APCDD1L: variants seen among roughly 807,000 people sequenced by gnomAD.
APCDD1L encodes protein APCDD1-like.
In APCDD1L, 21 loss-of-function variants were observed where a neutral mutation model predicts 24.2. The observed-to-expected ratio is 0.87, with a 90% confidence interval of 0.61 to 1.25. APCDD1L has a LOEUF of 1.25. Among genes scored for constraint, APCDD1L ranks in the 50% most tolerant of loss-of-function variants. The pLI, the probability that APCDD1L is intolerant of heterozygous loss-of-function variation, is 0.00. For synonymous variants in APCDD1L, 321 were observed against 323.6 expected, an observed-to-expected ratio of 0.99 and a Z score of 0.09; for missense variants, 704 against 711.7, an observed-to-expected ratio of 0.99 and a Z score of 0.12.
chr20:58,514,673 A>G lies in APCDD1L; in HGVS notation c.35T>C (p.Leu12Pro), dbSNP rs768600620. ...PAAMLPYACV[L>P]VLLGAHTAPA... ...GTGGCACCTACCTCCCAAAAGCACC[A>G]GGACGCAAGCGTAGGGGAGCATGGC... Residue 12 changes from leucine to proline, a missense_variant, in exon 1 of 4, where the codon CTG (leucine) becomes CCG (proline). Coordinates refer to ENST00000371149, the MANE Select transcript of APCDD1L (RefSeq NM_153360.3). 1.5e-6 allele frequency: 2 copies of G among 1,314,528 alleles called. No individual in the cohort carries two copies. The highest frequency in any genetic ancestry group is 6.2e-5 in the South Asian group (2 of 32,288). The allele number at this position is 1,314,528 out of a possible 1,614,324, so 81.4% of individuals were successfully genotyped here. A position where few individuals can be genotyped will look rare whatever the true frequency, so the allele number is the denominator to read the frequency against.
At position 58,460,743 on chromosome 20, in the gene APCDD1L, G is replaced by C. The variant is rs758042675; in HGVS notation, c.*47C>G. On this transcript the variant is annotated 3_prime_UTR_variant, in exon 4 of 4. Coordinates refer to ENST00000371149, the MANE Select transcript of APCDD1L (RefSeq NM_153360.3). The surrounding 1 kb of genome is among the most constrained non-coding windows in gnomAD (Gnocchi z 4.2). ...TACAGCTGCCAGGAGGGAGTCTGAA[G>C]GGTTGAATGGGTGTCCAGAGCCGCC... 6.7e-7 allele frequency: 1 copy of C among 1,502,810 alleles called. No homozygotes were observed. The highest frequency in any genetic ancestry group is 1.4e-5 in the South Asian group (1 of 72,222). The allele number at this position is 1,502,810 out of a possible 1,614,324, so 93.1% of individuals were successfully genotyped here.
chr20:58,503,214 C>G (rs942696298), intron 1 of APCDD1L, among the ~76,000 whole-genome samples: 1 of 152,168 alleles, frequency 6.6e-6, no homozygotes, highest in African/African-American at 2.4e-5. Context: ...CTGCGAGAGG[C>G]AGACGGAAAT....
chr20:58,468,502 G>A (rs924128554), intron 2 of APCDD1L, among the ~76,000 whole-genome samples: 8 of 144,928 alleles, frequency 5.5e-5, no homozygotes, highest in East Asian at 1.9e-4. Flanking sequence ...GGATGAAGTC[G>A]GGGGAAAAAT....
At chr20:58,463,185 C>G (rs1247048593) in intron 3 of APCDD1L, among the ~76,000 whole-genome samples, 1 of 151,484 alleles carries the variant, frequency 6.6e-6, no homozygotes, top group African/African-American at 2.4e-5. Flanking sequence ...TTTGGAAGCC[C>G]ATTGCTTAAG....
chr20:58,504,692 G>A (rs4536703), intron 1 of APCDD1L, among the ~76,000 whole-genome samples: 4,507 of 152,230 alleles, frequency 0.03, 220 homozygotes, highest in African/African-American at 0.099. Flanking sequence ...CCACAAGACT[G>A]AGGGCACCTT....
chr20:58,492,177 G>A (rs1324417452), intron 1 of APCDD1L, among the ~76,000 whole-genome samples: 1 of 152,228 alleles, frequency 6.6e-6, no homozygotes, highest in East Asian at 1.9e-4. Context: ...ATGCGCAAGT[G>A]CAGAAAGCAC....
intron 1 of APCDD1L, among the ~76,000 whole-genome samples, chr20:58,491,496 T>C (rs978488231): frequency 2.0e-5 from 3 of 152,110 alleles, no homozygotes; most frequent in African/African-American, 7.2e-5. Context: ...TTTACAACAG[T>C]AGTAAAAAAT....
At chr20:58,475,643 G>A (rs917776065) in intron 1 of APCDD1L, among the ~76,000 whole-genome samples, 4 of 152,146 alleles carry the variant, frequency 2.6e-5, no homozygotes, top group East Asian at 1.9e-4. Flanking sequence ...CCTGAGGCAC[G>A]CGAAAGGAGA....
intron 1 of APCDD1L, among the ~76,000 whole-genome samples, chr20:58,513,308 G>A (rs1990667309): frequency 6.6e-6 from 1 of 152,164 alleles, no homozygotes; most frequent in Admixed American, 6.5e-5. Context: ...AACCAGCAGG[G>A]GTGAGGTGGT....
intron 3 of APCDD1L, among the ~76,000 whole-genome samples, chr20:58,462,922 T>C (rs561411289): frequency 6.7e-6 from 1 of 149,112 alleles, no homozygotes; most frequent in Non-Finnish European, 1.5e-5. Context: ...GGTGGATAGA[T>C]CATGAGGTCA....
intron 1 of APCDD1L, among the ~76,000 whole-genome samples, chr20:58,490,357 A>G (rs1369365933): frequency 6.6e-6 from 1 of 152,162 alleles, no homozygotes; most frequent in African/African-American, 2.4e-5. Context: ...CCATGGTTCT[A>G]GTGATTGGTG....
rs1990277498 is a variant in APCDD1L, at chr20:58,494,263, CT to C, written c.49+20395del. Reference sequence around the variant, plus strand: ...TGTGGTTTAAGGGTCAACTGCATTTCTTTTTTCTTTTCTTTTCTTTTCTTAC... The same window carrying C: ...TGTGGTTTAAGGGTCAACTGCATTTCTTTTTCTTTTCTTTTCTTTTCTTAC... On this transcript the variant is annotated intron_variant, in intron 1 of 3. Transcript: ENST00000371149. The surrounding 1 kb of genome is among the most constrained non-coding windows in gnomAD (Gnocchi z 4.8). 6.7e-6 allele frequency among the ~76,000 whole-genome samples: 1 copy of C among 149,248 alleles called. No individual in the cohort carries two copies. The highest frequency in any genetic ancestry group is 1.5e-5 in the Non-Finnish European group (1 of 67,560).
At chr20:58,484,952 G>GTTTTTT (rs3069428) in intron 1 of APCDD1L, among the ~76,000 whole-genome samples, 2 of 148,806 alleles carry the variant, frequency 1.3e-5, no homozygotes, top group African/African-American at 2.5e-5. Flanking sequence ...TGCTATTAAA[G>GTTTTTT]TTTTTTTTTT....
At chr20:58,474,825 C>G (rs886247257) in intron 1 of APCDD1L, among the ~76,000 whole-genome samples, 2 of 152,198 alleles carry the variant, frequency 1.3e-5, no homozygotes, top group Admixed American at 6.5e-5. Context: ...CGATCTCATT[C>G]CAGAATGTTG....
At chr20:58,493,092 G>A (rs565413169) in intron 1 of APCDD1L, among the ~76,000 whole-genome samples, 14 of 145,222 alleles carry the variant, frequency 9.6e-5, no homozygotes, top group Admixed American at 8.2e-4. Flanking sequence ...ATGCATACAC[G>A]CACTCACACA....
At chr20:58,502,758 C>T (rs1334516187) in intron 1 of APCDD1L, among the ~76,000 whole-genome samples, 1 of 151,614 alleles carries the variant, frequency 6.6e-6, no homozygotes, top group African/African-American at 2.4e-5. Context: ...ACTTTCTAAG[C>T]AAATTATCTA....
chr20:58,488,669 A>G (rs995014944), intron 1 of APCDD1L, among the ~76,000 whole-genome samples: 2 of 152,240 alleles, frequency 1.3e-5, no homozygotes, highest in African/African-American at 4.8e-5. Context: ...TGATCTTAGA[A>G]CTAAGCAAAA....
chr20:58,507,576 G>A lies in APCDD1L; in HGVS notation c.49+7083C>T, dbSNP rs150350879. Among the ~76,000 whole-genome samples the A allele has an allele frequency of 3.3e-4, 50 of 152,118 alleles. No homozygotes were observed. In the East Asian group the frequency reaches 9.1e-3, roughly 28 times the overall value. On this transcript the variant is annotated intron_variant, in intron 1 of 3. Transcript: ENST00000371149. ...ACACACACAGTGGTAATTTATGGTA[G>A]GAATATCTGACCATCTGTTCTCCCC...
At position 58,494,191 on chromosome 20, in the gene APCDD1L, G is replaced by C. The variant is rs79627973; in HGVS notation, c.49+20468C>G. 6.6e-6 allele frequency among the ~76,000 whole-genome samples: 1 copy of C among 152,076 alleles called. No homozygotes were observed. The highest frequency in any genetic ancestry group is 1.5e-5 in the Non-Finnish European group (1 of 68,028). ...GTCTTGCTGTCTCAGGGGCAGCAGA[G>C]GCAGAAGAAAATCTGGGGATAAGTG... is the stretch of plus-strand genomic sequence containing the variant. On this transcript the variant is annotated intron_variant, in intron 1 of 3. Transcript: ENST00000371149. This position sits in a 1 kb window ranked among gnomAD's most constrained non-coding sequence, Gnocchi z 4.8.
Sources: allele counts gnomAD v4.1 joint callset (sites outside exome capture counted in the v4.1 genomes callset), GRCh38; gene constraint gnomAD v4.1.1; non-coding constraint Gnocchi (gnomAD v3.1); transcripts MANE v1.5; gene names NCBI Gene and HGNC (gene_info 2026-07-23, HGNC 2026-07-21).